The following CHST11 variants were observed in gnomAD, a reference collection of about 807,000 sequenced individuals.
CHST11 encodes C4S-1.
A neutral mutation model predicts 30.4 loss-of-function variants in CHST11; 9 were observed. That is an observed-to-expected ratio of 0.30 (90% CI 0.18 to 0.52). The LOEUF is 0.52. Among genes scored for constraint, CHST11 ranks in the 20% least tolerant of loss-of-function variants. CHST11 has a pLI of 0.97. For synonymous variants in CHST11, 152 were observed against 187.8 expected (o/e 0.81, Z 1.56); for missense variants, 348 against 460.6 (o/e 0.76, Z 2.24).
intron 1 of CHST11, among the ~76,000 whole-genome samples, chr12:104,599,302 A>C (rs2038935789): frequency 6.6e-6 from 1 of 152,192 alleles, no homozygotes; most frequent in African/African-American, 2.4e-5. Flanking sequence ...AACCAATTAA[A>C]TAATACTGCC....
intron 1 of CHST11, among the ~76,000 whole-genome samples, chr12:104,488,062 C>T (rs899360439): frequency 7.2e-5 from 11 of 152,174 alleles, no homozygotes; most frequent in African/African-American, 2.7e-4. Flanking sequence ...GTGCGTGCCA[C>T]CACGCCTGGT....
intron 1 of CHST11, among the ~76,000 whole-genome samples, chr12:104,555,154 T>C (rs2038443258): frequency 6.6e-6 from 1 of 152,216 alleles, no homozygotes; most frequent in African/African-American, 2.4e-5. Flanking sequence ...ACTCTGATTC[T>C]AGCCACATCA....
At chr12:104,505,969 G>C (rs2037900533) in intron 1 of CHST11, among the ~76,000 whole-genome samples, 1 of 152,188 alleles carries the variant, frequency 6.6e-6, no homozygotes, top group Admixed American at 6.5e-5. Flanking sequence ...TTCTGTCATG[G>C]GGTGGGAAGT....
intron 1 of CHST11, among the ~76,000 whole-genome samples, chr12:104,508,161 A>G (rs1346655080): frequency 6.6e-6 from 1 of 152,130 alleles, no homozygotes; most frequent in South Asian, 2.1e-4. Context: ...ACCCCCGTCC[A>G]TGACACCTTT....
chr12:104,650,392 C>T (rs559397769), intron 2 of CHST11, among the ~76,000 whole-genome samples: 24 of 152,078 alleles, frequency 1.6e-4, no homozygotes, highest in Non-Finnish European at 3.1e-4. Context: ...GTTTTTCTAC[C>T]AGGTAGAGAA....
At chr12:104,578,331 C>A (rs577472333) in intron 1 of CHST11, among the ~76,000 whole-genome samples, 1 of 152,266 alleles carries the variant, frequency 6.6e-6, no homozygotes, top group East Asian at 1.9e-4. Context: ...ATATAATACA[C>A]CTAACGATAA....
rs2039745911 is a variant in CHST11 at position 104,676,700 on chromosome 12, G to A, written c.204+74709G>A. On this transcript the variant is annotated intron_variant, in intron 2 of 2. Transcript: ENST00000303694. This position sits in a 1 kb window ranked among gnomAD's most constrained non-coding sequence, Gnocchi z 4.4. ...TTACAGGCATGAGCCACTGCACCCG[G>A]CCTCCCTGCCTCCTTTCCTAAGGAA... Among the ~76,000 whole-genome samples, 1 of 152,204 alleles carries A rather than the reference G, an allele frequency of 6.6e-6. No individual in the cohort carries two copies. The highest frequency in any genetic ancestry group is 2.1e-4 in the South Asian group (1 of 4,834).
In CHST11 at chr12:104,592,673, C is replaced by G. The variant is rs1296969875; in HGVS notation, c.119-9233C>G. Among the ~76,000 whole-genome samples, 6 of 152,328 alleles carry G rather than the reference C, an allele frequency of 3.9e-5. No homozygotes were observed. The East Asian group carries it at 1.2e-3, about 29-fold the overall frequency. On this transcript the variant is annotated intron_variant, in intron 1 of 2. Coordinates refer to ENST00000303694, the MANE Select transcript of CHST11 (RefSeq NM_018413.6). ...TCAGAATCAGTTTTGAGGATACTTT[C>G]CCTAACCACGTAGATTCATTCTCTT...
chr12:104,589,665 A>G (rs2038838579), intron 1 of CHST11, among the ~76,000 whole-genome samples: 1 of 152,228 alleles, frequency 6.6e-6, no homozygotes, highest in Non-Finnish European at 1.5e-5. Context: ...CTTGCCTTGA[A>G]GAACTTATTC....
intron 2 of CHST11, among the ~76,000 whole-genome samples, chr12:104,695,349 T>G (rs1186710445): frequency 1.3e-5 from 2 of 152,178 alleles, no homozygotes; most frequent in Non-Finnish European, 2.9e-5. Flanking sequence ...TTCCTAGAAT[T>G]AGGCAGTTTG....
chr12:104,667,287 TC>T (rs1276230411), intron 2 of CHST11, among the ~76,000 whole-genome samples: 3 of 151,940 alleles, frequency 2.0e-5, no homozygotes. Flanking sequence ...GTGTCCTTAT[TC>T]CCCCACCACG....
At chr12:104,617,381 CAGCAT>C (rs1267673514) in intron 2 of CHST11, among the ~76,000 whole-genome samples, 6 of 152,166 alleles carry the variant, frequency 3.9e-5, no homozygotes, top group African/African-American at 1.2e-4. Flanking sequence ...ACCTTCACTC[CAGCAT>C]TTTCCTTCAA....
Position 104,476,322 on chromosome 12 carries a change from CACAT to C in CHST11, c.118+18795_118+18798del, listed in dbSNP as rs1186606154. 5.3e-5 allele frequency among the ~76,000 whole-genome samples: 8 copies of C among 150,564 alleles called. No individual in the cohort carries two copies. In the South Asian group the frequency reaches 1.7e-3, roughly 31 times the overall value. On this transcript the variant is annotated intron_variant, in intron 1 of 2. Coordinates refer to ENST00000303694, the MANE Select transcript of CHST11 (RefSeq NM_018413.6). ...GAATAATATATACATATGTTATACA[CACAT>C]ATAATATATACACATATATGTAAGA... is the stretch of plus-strand genomic sequence containing the variant.
intron 1 of CHST11, among the ~76,000 whole-genome samples, chr12:104,522,242 T>A (rs2038080866): frequency 6.6e-6 from 1 of 152,186 alleles, no homozygotes; most frequent in African/African-American, 2.4e-5. Flanking sequence ...AATTCAAACA[T>A]CCTTAGCTGC....
In CHST11 at chr12:104,722,683, G is replaced by T. The variant is rs1055270093; in HGVS notation, c.205-34266G>T. Among the ~76,000 whole-genome samples, 8 of 152,010 alleles carry T rather than the reference G, an allele frequency of 5.3e-5. No homozygotes were observed. The East Asian group carries it at 1.5e-3, about 29-fold the overall frequency. ...TTCTCTCTTCCAGCCTTGCTGTCTG[G>T]AGTCGTTGCTGGAAAGAGTGTCCAA... On this transcript the variant is annotated intron_variant, in intron 2 of 2. Transcript: ENST00000303694.
chr12:104,689,722 C>T (rs968419419), intron 2 of CHST11, among the ~76,000 whole-genome samples: 5 of 152,072 alleles, frequency 3.3e-5, no homozygotes, highest in Non-Finnish European at 7.4e-5. Context: ...AGACAGAGCC[C>T]TATGAAGACC....
rs116592413 is a variant in CHST11 at position 104,723,763 on chromosome 12, G to A, written c.205-33186G>A. Among the ~76,000 whole-genome samples, 741 of 152,306 alleles carry A rather than the reference G, an allele frequency of 4.9e-3. 8 individuals are homozygous for A. Among genetic ancestry groups the A allele is most frequent in the African/African-American group, 0.017 (699 of 41,568 alleles). Reference sequence around the variant, plus strand: ...AGGGGCTCTGTCGTATCACTTTAGTGCCCAGAAGACCGAGCGATTGGACTG... The same window carrying A: ...AGGGGCTCTGTCGTATCACTTTAGTACCCAGAAGACCGAGCGATTGGACTG... On this transcript the variant is annotated intron_variant, in intron 2 of 2. Transcript: ENST00000303694.
At chr12:104,563,439 C>G (rs1282631872) in intron 1 of CHST11, among the ~76,000 whole-genome samples, 2 of 152,152 alleles carry the variant, frequency 1.3e-5, no homozygotes, top group African/African-American at 2.4e-5. Flanking sequence ...CTTTTTCACT[C>G]TCGCTCAAGG....
intron 1 of CHST11, among the ~76,000 whole-genome samples, chr12:104,515,721 G>C (rs1025476103): frequency 6.6e-6 from 1 of 152,170 alleles, no homozygotes; most frequent in African/African-American, 2.4e-5. Context: ...AGGGCAGGGG[G>C]AGAGAGTGGG....
Sources: gnomAD v4.1 joint callset for allele counts (sites outside exome capture counted in the v4.1 genomes callset) on GRCh38, gnomAD v4.1.1 for gene constraint, Gnocchi (gnomAD v3.1) non-coding constraint, MANE v1.5 for transcripts, NCBI Gene and HGNC (gene_info 2026-07-23, HGNC 2026-07-21) for gene names.